MYO7B: variants seen among roughly 807,000 people sequenced by gnomAD.
The protein encoded by MYO7B is unconventional myosin-VIIb.
Under a neutral mutation model 259.7 loss-of-function variants are expected in MYO7B, and 212 were observed. The ratio of observed to expected loss-of-function variants is 0.82; its 90% confidence interval spans 0.73 to 0.91. The LOEUF (loss-of-function observed/expected upper bound fraction) is 0.91, where lower values mean the gene tolerates loss of function less well. MYO7B is among the 40% of genes least tolerant of loss of function. The pLI is 0.00. For synonymous variants in MYO7B, 1,197 were observed against 1,166.4 expected (o/e 1.03, Z -0.54); for missense variants, 2,732 against 2,813.5 (o/e 0.97, Z 0.66).
At chr2:127,566,254 T>A (rs1458953998) in intron 4 of MYO7B, among the ~76,000 whole-genome samples, 2 of 152,138 alleles carry the variant, frequency 1.3e-5, no homozygotes, top group Non-Finnish European at 2.9e-5. Flanking sequence ...GCACACAGAA[T>A]TTGGGGTTGG....
At chr2:127,575,309 G>A (rs571183612) in intron 7 of MYO7B, among the ~76,000 whole-genome samples, 74 of 152,268 alleles carry the variant, frequency 4.9e-4, no homozygotes, top group African/African-American at 1.8e-3. Context: ...TCTCTGCCCT[G>A]TCTGGAAGCT....
Position 127,632,495 on chromosome 2 carries a change from C to T in MYO7B, c.5405+94C>T. 1.4e-6 allele frequency: 2 copies of T among 1,428,762 alleles called. 1 individual carries two copies. The highest frequency in any genetic ancestry group is 2.9e-5 in the South Asian group (2 of 69,466). The allele number at this position is 1,428,762 out of a possible 1,614,324, so 88.5% of individuals were successfully genotyped here. On this transcript the variant is annotated intron_variant, in intron 39 of 47. Coordinates refer to ENST00000409816, the MANE Select transcript of MYO7B (RefSeq NM_001393586.1). The stretch of plus-strand genomic sequence containing the variant: ...GCCAGCCTTCCAGGAGCTCATGGTC[C>T]TGGGAGGACTCTCCAGAAGCCAGTG...
In MYO7B at chr2:127,631,069, C is replaced by G. The variant is rs573647110; in HGVS notation, c.4938-137C>G. ...TGGAGCCTGCCTGGCCTTCCCAGGC[C>G]AGGGGAGTCAGGAGGGGCTTGCGGC... On this transcript the variant is annotated intron_variant, in intron 36 of 47. Coordinates refer to ENST00000409816, the MANE Select transcript of MYO7B (RefSeq NM_001393586.1). 7.9e-6 allele frequency: 11 copies of G among 1,392,478 alleles called. No homozygotes were observed. The South Asian group carries it at 1.6e-4, about 21-fold the overall frequency. 86.3% of individuals were successfully genotyped at this position (1,392,478 alleles called of 1,614,324 possible). A position where few individuals can be genotyped will look rare whatever the true frequency, so the allele number is the denominator to read the frequency against.
chr2:127,585,050 T>C lies in MYO7B; in HGVS notation c.1690+137T>C. On this transcript the variant is annotated intron_variant, in intron 14 of 47. Transcript: ENST00000409816. The surrounding 1 kb of genome is among the most constrained non-coding windows in gnomAD (Gnocchi z 4.3). ...GAGGGATGAGTAGTATGGCTTCTAC[T>C]GGAGAAAGAAAATGGAGTGGACCGG... is the stretch of plus-strand genomic sequence containing the variant. The C allele has an allele frequency of 1.5e-5, 18 of 1,170,158 alleles. No individual in the cohort carries two copies. Among genetic ancestry groups the C allele is most frequent in the Admixed American group, 2.3e-5 (1 of 42,712 alleles). The allele number at this position is 1,170,158 out of a possible 1,614,324, so 72.5% of individuals were successfully genotyped here.
In MYO7B at chr2:127,614,764, G is replaced by A. The variant is rs143509823; in HGVS notation, c.3398+2161G>A. 3.2e-3 allele frequency among the ~76,000 whole-genome samples: 483 copies of A among 152,266 alleles called. 4 individuals are homozygous for A. Among genetic ancestry groups the A allele is most frequent in the African/African-American group, 0.011 (444 of 41,554 alleles). ...CTCTATCCCCATGAAGTCCCTTCCA[G>A]GAATCACATTCCAAATTTCTTATCT... On this transcript the variant is annotated intron_variant, in intron 26 of 47. Transcript: ENST00000409816. The surrounding 1 kb of genome is among the most constrained non-coding windows in gnomAD (Gnocchi z 4.6).
In MYO7B at chr2:127,627,547, CTT is replaced by C. The variant is rs1354246747; in HGVS notation, c.4460+239_4460+240del. ...ATCACGCGTTGCACTGGCAGCTTCT[CTT>C]TGAAACCCAGGTCCACCCGGAAGGG... On this transcript the variant is annotated intron_variant, in intron 33 of 47. Coordinates refer to ENST00000409816, the MANE Select transcript of MYO7B (RefSeq NM_001393586.1). This position sits in a 1 kb window ranked among gnomAD's most constrained non-coding sequence, Gnocchi z 5.6. 2 of 654,870 alleles carry C rather than the reference CTT, an allele frequency of 3.1e-6. No individual in the cohort carries two copies. The highest frequency in any genetic ancestry group is 5.5e-6 in the Non-Finnish European group (2 of 360,902). The allele number at this position is 654,870 out of a possible 1,614,324, so 40.6% of individuals were successfully genotyped here. A position where few individuals can be genotyped will look rare whatever the true frequency, so the allele number is the denominator to read the frequency against.
chr2:127,600,211 C>T (rs113887294), intron 19 of MYO7B, among the ~76,000 whole-genome samples: 180 of 152,138 alleles, frequency 1.2e-3, no homozygotes, highest in African/African-American at 3.8e-3. Flanking sequence ...TTATATTGAG[C>T]GAGTTGTGGT....
In MYO7B at chr2:127,635,910, C is replaced by G. The variant is rs1340231393; in HGVS notation, c.6006+3C>G. On this transcript the variant is annotated splice_donor_region_variant and intron_variant, in intron 44 of 47. Transcript: ENST00000409816. ...TGTCCTCGGAGGAGTGGAAAAAGGTCCCTGGTCGGGCTGGGGAAGGGTTCT... is the reference window on the plus strand; with the variant it reads ...TGTCCTCGGAGGAGTGGAAAAAGGTGCCTGGTCGGGCTGGGGAAGGGTTCT... 6.4e-7 allele frequency: 1 copy of G among 1,563,716 alleles called. No homozygotes were observed. The highest frequency in any genetic ancestry group is 1.9e-5 in the Admixed American group (1 of 52,508).
intron 15 of MYO7B, among the ~76,000 whole-genome samples, chr2:127,589,331 A>G (rs1243609418): frequency 1.7e-4 from 19 of 111,360 alleles, no homozygotes; most frequent in South Asian, 3.4e-4. Flanking sequence ...GGCTGTGTGG[A>G]TGGGTGAGTG....
At chr2:127,602,546 G>C (rs1302061292) in intron 19 of MYO7B, among the ~76,000 whole-genome samples, 1 of 152,100 alleles carries the variant, frequency 6.6e-6, no homozygotes, top group Non-Finnish European at 1.5e-5. Flanking sequence ...AGCTATTTGG[G>C]AGGCTGAGGT....
intron 27 of MYO7B, among the ~76,000 whole-genome samples, chr2:127,620,725 G>T (rs992081631): frequency 3.3e-5 from 5 of 152,240 alleles, no homozygotes; most frequent in African/African-American, 1.2e-4. Context: ...TGTCAGGATG[G>T]TGCTTCAAGA....
intron 1 of MYO7B, among the ~76,000 whole-genome samples, chr2:127,536,842 G>A (rs1035744648): frequency 1.3e-5 from 2 of 152,102 alleles, no homozygotes; most frequent in African/African-American, 2.4e-5. Flanking sequence ...CATCTCCCTG[G>A]ACCTGCTGGG....
intron 2 of MYO7B, among the ~76,000 whole-genome samples, chr2:127,560,438 T>C (rs1431543105): frequency 6.6e-6 from 1 of 152,096 alleles, no homozygotes; most frequent in East Asian, 1.9e-4. Flanking sequence ...AATCACCCCT[T>C]TGGACTCTGC....
chr2:127,598,425 C>A (rs1225345123), intron 19 of MYO7B, among the ~76,000 whole-genome samples: 2 of 152,076 alleles, frequency 1.3e-5, no homozygotes, highest in Non-Finnish European at 2.9e-5. Context: ...TGTTGCTTGC[C>A]TGTTTTCTAA....
chr2:127,593,423 C>A, intron 17 of MYO7B, 123 bp from the exon 18 acceptor site: 3 of 914,528 alleles, frequency 3.3e-6, no homozygotes, highest in Non-Finnish European at 5.0e-6. Flanking sequence ...TGTGCCTGGG[C>A]GGGGGTGGGC....
rs776989740 is a variant in MYO7B at position 127,539,709 on chromosome 2, G to C, written c.-24+3878G>C. Among the ~76,000 whole-genome samples the C allele has an allele frequency of 6.6e-6, 1 of 152,104 alleles. No homozygotes were observed. The highest frequency in any genetic ancestry group is 1.5e-5 in the Non-Finnish European group (1 of 68,012). On this transcript the variant is annotated intron_variant, in intron 1 of 47. Coordinates refer to ENST00000409816, the MANE Select transcript of MYO7B (RefSeq NM_001393586.1). This position sits in a 1 kb window ranked among gnomAD's most constrained non-coding sequence, Gnocchi z 4.0. ...AAAAAAAAAACTCCATAGTTTTTAA[G>C]GTACAGGTGTTTTTTGGTTACATGG...
rs1450301000 is a variant in MYO7B, at chr2:127,573,918, A to T, written c.593-2A>T. 6.2e-7 allele frequency: 1 copy of T among 1,613,902 alleles called. No homozygotes were observed. Among genetic ancestry groups the T allele is most frequent in the Non-Finnish European group, 8.5e-7 (1 of 1,179,894 alleles). On this transcript the variant is annotated splice_acceptor_variant, in intron 6 of 47. Transcript: ENST00000409816. LOFTEE classifies it high-confidence loss of function. ...TCATGGGCATCGCCCGCTTACCTTC[A>T]GCCTTTGGAAATGCCAAGACAATCC...
At chr2:127,564,092 A>T (rs1313354658) in intron 2 of MYO7B, 61 bp from the exon 3 acceptor site, 38 of 1,225,154 alleles carry the variant, frequency 3.1e-5, no homozygotes, top group Non-Finnish European at 4.3e-5. Context: ...AGAAGTAAGT[A>T]TCCAGCAGGG....
At chr2:127,571,443 T>TTTTTTTTTTGTTTTTTTTTG (rs1553448477) in intron 6 of MYO7B, among the ~76,000 whole-genome samples, 1 of 72,892 alleles carries the variant, frequency 1.4e-5, no homozygotes, top group African/African-American at 8.6e-5. Flanking sequence ...TACCAGTGAG[T>TTTTTTTTTTGTTTTTTTTTG]TTTTTTTTTT....
Sources: allele counts gnomAD v4.1 joint callset (sites outside exome capture counted in the v4.1 genomes callset), GRCh38; gene constraint gnomAD v4.1.1; non-coding constraint Gnocchi (gnomAD v3.1); transcripts MANE v1.5; gene names NCBI Gene and HGNC (gene_info 2026-07-23, HGNC 2026-07-21).